Variants in KAT2B observed in about 807,000 individuals in gnomAD.
KAT2B encodes histone acetyltransferase KAT2B.
KAT2B carries 36 observed loss-of-function variants against 105.9 expected under a neutral mutation model. The ratio of observed to expected loss-of-function variants is 0.34; its 90% CI spans 0.26 to 0.45. The LOEUF is 0.45. KAT2B is among the 20% of genes least tolerant of loss of function. KAT2B has a pLI of 1.00. For synonymous variants in KAT2B, 397 were observed against 377.9 expected (o/e 1.05, Z -0.59); for missense variants, 820 against 1,021.6 (o/e 0.80, Z 2.69).
chr3:20,126,139 T>C, intron 10 of KAT2B, 26 bp downstream of exon 10: 1 of 1,537,410 alleles, frequency 6.5e-7, no homozygotes, highest in East Asian at 2.4e-5. Context: ...TGTTCCTTCT[T>C]CCTTATTTCC....
At chr3:20,146,772 T>G (rs1392647511) in intron 14 of KAT2B, among the ~76,000 whole-genome samples, 1 of 152,164 alleles carries the variant, frequency 6.6e-6, no homozygotes, top group Non-Finnish European at 1.5e-5. Flanking sequence ...TCCAAAGCAG[T>G]TAGATCATTT....
chr3:20,066,920 A>G (rs1180261079), intron 1 of KAT2B, among the ~76,000 whole-genome samples: 2 of 152,172 alleles, frequency 1.3e-5, no homozygotes, highest in Non-Finnish European at 2.9e-5. Context: ...GTATTTTCAA[A>G]CACTCATAAC....
intron 11 of KAT2B, among the ~76,000 whole-genome samples, chr3:20,128,125 C>T (rs1559326044): frequency 2.0e-5 from 3 of 152,060 alleles, no homozygotes; most frequent in Admixed American, 1.3e-4. Flanking sequence ...GACTTTGGGG[C>T]GAGGTACCAG....
intron 2 of KAT2B, among the ~76,000 whole-genome samples, chr3:20,078,519 T>C (rs1698460045): frequency 6.6e-6 from 1 of 151,792 alleles, no homozygotes; most frequent in Non-Finnish European, 1.5e-5. Flanking sequence ...ACCACAGACA[T>C]GCAGCAACAT....
At chr3:20,083,511 C>G (rs1287624977) in intron 2 of KAT2B, among the ~76,000 whole-genome samples, 1 of 152,114 alleles carries the variant, frequency 6.6e-6, no homozygotes, top group Non-Finnish European at 1.5e-5. Flanking sequence ...AATTAGGAGA[C>G]TGGTAAATCT....
chr3:20,062,286 T>TAA (rs1559514530), intron 1 of KAT2B, among the ~76,000 whole-genome samples: 4 of 46,852 alleles, frequency 8.5e-5, no homozygotes, highest in East Asian at 7.5e-4. Context: ...ATATAAAATA[T>TAA]AATATATAAT....
rs747970201 is a variant in KAT2B at position 20,063,440 on chromosome 3, TC to T, written c.304-8892del. 1.7e-4 allele frequency among the ~76,000 whole-genome samples: 26 copies of T among 150,904 alleles called. 1 individual carries two copies. The highest frequency in any genetic ancestry group is 6.8e-3 in the Middle Eastern group (2 of 294). ...TCTTTTAAGAGATTCTTTCTTTCTTTCTTTTTTTTTCTTTTGAGATGGGGTC... is the reference window on the plus strand; with the variant it reads ...TCTTTTAAGAGATTCTTTCTTTCTTTTTTTTTTTTCTTTTGAGATGGGGTC... On this transcript the variant is annotated intron_variant, in intron 1 of 17. Coordinates refer to ENST00000263754, the MANE Select transcript of KAT2B (RefSeq NM_003884.5).
At chr3:20,070,081 G>A (rs1441106881) in intron 1 of KAT2B, among the ~76,000 whole-genome samples, 1 of 152,028 alleles carries the variant, frequency 6.6e-6, no homozygotes, top group African/African-American at 2.4e-5. Context: ...GACAAAAGAC[G>A]GTCACTTGAG....
intron 12 of KAT2B, among the ~76,000 whole-genome samples, chr3:20,138,327 G>A (rs938276368): frequency 6.6e-6 from 1 of 151,984 alleles, no homozygotes. Context: ...TTCATACTGT[G>A]TATATAATAA....
chr3:20,076,714 T>C (rs1252301452), intron 2 of KAT2B, among the ~76,000 whole-genome samples: 2 of 152,214 alleles, frequency 1.3e-5, no homozygotes, highest in African/African-American at 2.4e-5. Context: ...ACATTTTTTC[T>C]TATCTTATTC....
chr3:20,106,182 CATG>C (rs1459046241), intron 5 of KAT2B, among the ~76,000 whole-genome samples: 2 of 152,202 alleles, frequency 1.3e-5, no homozygotes, highest in African/African-American at 4.8e-5. Flanking sequence ...AAATCATCAT[CATG>C]ATGTGAAAAA....
intron 12 of KAT2B, among the ~76,000 whole-genome samples, chr3:20,138,560 T>TATAAG (rs1699643846): frequency 6.6e-6 from 1 of 152,012 alleles, no homozygotes; most frequent in South Asian, 2.1e-4. Context: ...TATAAGGGGG[T>TATAAG]CAGGAAAGGA....
At chr3:20,150,446 A>ATGACTT (rs1699852977) in intron 17 of KAT2B, among the ~76,000 whole-genome samples, 1 of 152,164 alleles carries the variant, frequency 6.6e-6, no homozygotes, top group African/African-American at 2.4e-5. Flanking sequence ...GGAGTCACAC[A>ATGACTT]CTGGACATCA....
chr3:20,062,480 T>A (rs1270831150), intron 1 of KAT2B, among the ~76,000 whole-genome samples: 2 of 135,312 alleles, frequency 1.5e-5, no homozygotes, highest in Non-Finnish European at 3.1e-5. Flanking sequence ...ATATATATAT[T>A]AGAGGTAGTT....
At chr3:20,041,891 G>A (rs995504620) in intron 1 of KAT2B, among the ~76,000 whole-genome samples, 1 of 152,196 alleles carries the variant, frequency 6.6e-6, no homozygotes, top group South Asian at 2.1e-4. Flanking sequence ...AGAACATCTA[G>A]GTTATACTCT....
At chr3:20,094,098 T>C (rs887847838) in intron 2 of KAT2B, among the ~76,000 whole-genome samples, 6 of 152,156 alleles carry the variant, frequency 3.9e-5, no homozygotes, top group African/African-American at 7.2e-5. Context: ...TATTAGTTCA[T>C]TTTCACACAG....
intron 2 of KAT2B, among the ~76,000 whole-genome samples, chr3:20,092,236 T>TTTATTTATTTATTTA (rs56239971): frequency 0.4 from 41,615 of 103,210 alleles, 6,336 homozygotes; most frequent in South Asian, 0.49. Context: ...TATTTATTTA[T>TTTATTTATTTATTTA]TTATTTATTT....
chr3:20,064,796 A>G (rs1698196329), intron 1 of KAT2B, among the ~76,000 whole-genome samples: 1 of 152,172 alleles, frequency 6.6e-6, no homozygotes, highest in African/African-American at 2.4e-5. Context: ...TACTGAATAA[A>G]TTTTCCATCA....
chr3:20,060,124 G>A (rs1203213092), intron 1 of KAT2B, among the ~76,000 whole-genome samples: 5 of 152,246 alleles, frequency 3.3e-5, no homozygotes, highest in Middle Eastern at 3.4e-3. Flanking sequence ...TTGCTTATGC[G>A]TTAACTAGTT....
Sources: gnomAD v4.1 joint callset for allele counts (sites outside exome capture counted in the v4.1 genomes callset) on GRCh38, gnomAD v4.1.1 for gene constraint, MANE v1.5 for transcripts, NCBI Gene and HGNC (gene_info 2026-07-23, HGNC 2026-07-21) for gene names.